Variants in DLGAP2 observed in about 807,000 individuals in gnomAD.
DLGAP2 encodes the protein DLG associated protein 2.
DLGAP2 carries 26 observed loss-of-function variants against 100.3 expected under a neutral mutation model. The ratio of observed to expected loss-of-function variants is 0.26; its 90% CI spans 0.19 to 0.36. The LOEUF (loss-of-function observed/expected upper bound fraction) is 0.36, where lower values mean the gene tolerates loss of function less well. Among genes scored for constraint, DLGAP2 ranks in the 10% least tolerant of loss-of-function variants. The pLI, the probability that DLGAP2 is intolerant of heterozygous loss-of-function variation, is 1.00. For synonymous variants in DLGAP2, 886 were observed against 630.1 expected (o/e 1.41, Z -6.08); for missense variants, 1,858 against 1,453.2 (o/e 1.28, Z -4.53).
chr8:861,329 T>C (rs912744126), intron 1 of DLGAP2, among the ~76,000 whole-genome samples: 3 of 152,186 alleles, frequency 2.0e-5, no homozygotes, highest in Admixed American at 1.3e-4. Context: ...GACTTGAGCA[T>C]TTGTGGAGTT....
At chr8:1,371,468 G>A (rs1802234899) in intron 3 of DLGAP2, among the ~76,000 whole-genome samples, 1 of 152,190 alleles carries the variant, frequency 6.6e-6, no homozygotes, top group Non-Finnish European at 1.5e-5. Context: ...CTGGTGCTCT[G>A]CCCAGCGCGT....
chr8:1,342,630 G>C (rs1801443458), intron 3 of DLGAP2, among the ~76,000 whole-genome samples: 1 of 152,220 alleles, frequency 6.6e-6, no homozygotes, highest in Non-Finnish European at 1.5e-5. Flanking sequence ...ATTTCAGCAA[G>C]TGCGTTATCA....
intron 1 of DLGAP2, among the ~76,000 whole-genome samples, chr8:828,081 G>C (rs1282424708): frequency 6.6e-6 from 1 of 152,090 alleles, no homozygotes; most frequent in Non-Finnish European, 1.5e-5. Context: ...AATATCACAA[G>C]GCAAGTGGAG....
chr8:1,444,397 T>G (rs1329263848), intron 3 of DLGAP2, among the ~76,000 whole-genome samples: 2 of 152,216 alleles, frequency 1.3e-5, no homozygotes, highest in Non-Finnish European at 1.5e-5. Flanking sequence ...CATTGTGGCT[T>G]TCTTCATTTC....
At chr8:1,332,401 ATGTG>A (rs986389529) in intron 3 of DLGAP2, among the ~76,000 whole-genome samples, 13 of 151,894 alleles carry the variant, frequency 8.6e-5, no homozygotes, top group African/African-American at 3.1e-4. Flanking sequence ...GTGTGTCTGC[ATGTG>A]TGAGTATATG....
intron 2 of DLGAP2, among the ~76,000 whole-genome samples, chr8:1,026,838 A>G (rs908263093): frequency 1.3e-5 from 2 of 152,212 alleles, no homozygotes; most frequent in African/African-American, 4.8e-5. Flanking sequence ...GACTTATATG[A>G]TATTCTAACT....
At chr8:1,439,789 C>G (rs1485610384) in intron 3 of DLGAP2, among the ~76,000 whole-genome samples, 1 of 152,092 alleles carries the variant, frequency 6.6e-6, no homozygotes, top group East Asian at 1.9e-4. Flanking sequence ...TCCGATGAGC[C>G]ACGTGTGCAC....
intron 12 of DLGAP2, among the ~76,000 whole-genome samples, chr8:1,682,719 C>A (rs1409328396): frequency 1.3e-5 from 2 of 151,424 alleles, no homozygotes; most frequent in Non-Finnish European, 3.0e-5. Context: ...AGTGATCTGC[C>A]CCCCTTGCCC....
intron 3 of DLGAP2, among the ~76,000 whole-genome samples, chr8:1,264,158 G>C (rs1057087547): frequency 7.1e-6 from 1 of 141,514 alleles, no homozygotes; most frequent in African/African-American, 2.8e-5. Flanking sequence ...AGTTGAGCTT[G>C]GATGAAAACA....
At chr8:1,539,982 C>A (rs562801906) in intron 4 of DLGAP2, among the ~76,000 whole-genome samples, 17 of 152,308 alleles carry the variant, frequency 1.1e-4, no homozygotes, top group Admixed American at 8.5e-4. Flanking sequence ...GACTCAGAAG[C>A]CCAGCAAAGT....
chr8:844,364 G>A (rs943169013), intron 1 of DLGAP2, among the ~76,000 whole-genome samples: 2 of 152,226 alleles, frequency 1.3e-5, no homozygotes, highest in African/African-American at 4.8e-5. Context: ...AGGGAGCACA[G>A]CCTTCTGCTC....
intron 1 of DLGAP2, among the ~76,000 whole-genome samples, chr8:743,078 G>T (rs1484477066): frequency 2.0e-5 from 3 of 152,068 alleles, no homozygotes; most frequent in South Asian, 2.1e-4. Flanking sequence ...TATTATTTCT[G>T]GTCTTGTTTT....
intron 2 of DLGAP2, among the ~76,000 whole-genome samples, chr8:1,075,236 T>G (rs1167345296): frequency 1.3e-5 from 2 of 152,164 alleles, no homozygotes; most frequent in Non-Finnish European, 2.9e-5. Context: ...CCACTCCGGC[T>G]GCCTTTTCGA....
chr8:876,926 T>C (rs138585424), intron 1 of DLGAP2, among the ~76,000 whole-genome samples: 1 of 152,230 alleles, frequency 6.6e-6, no homozygotes, highest in East Asian at 1.9e-4. Flanking sequence ...ACCCCACGAA[T>C]GAGTTTTTAT....
At chr8:1,218,673 G>T (rs954356909) in intron 2 of DLGAP2, among the ~76,000 whole-genome samples, 1 of 152,024 alleles carries the variant, frequency 6.6e-6, no homozygotes. Flanking sequence ...GGAAAATCAT[G>T]TTGGTAGTTT....
At chr8:1,081,726 C>G (rs1331959294) in intron 2 of DLGAP2, among the ~76,000 whole-genome samples, 2 of 152,124 alleles carry the variant, frequency 1.3e-5, no homozygotes, top group African/African-American at 4.8e-5. Context: ...TTTATTGAGT[C>G]TTTCCTATAG....
intron 4 of DLGAP2, among the ~76,000 whole-genome samples, chr8:1,535,083 A>C (rs550702880): frequency 6.6e-6 from 1 of 152,314 alleles, no homozygotes; most frequent in Admixed American, 6.5e-5. Context: ...CTGTAGGGCA[A>C]GGTCCTGTGG....
chr8:1,681,133 C>T (rs1798933587), intron 12 of DLGAP2, among the ~76,000 whole-genome samples: 1 of 152,106 alleles, frequency 6.6e-6, no homozygotes, highest in South Asian at 2.1e-4. Flanking sequence ...AAATTGTATC[C>T]TATTATCATT....
intron 7 of DLGAP2, among the ~76,000 whole-genome samples, chr8:1,632,428 C>A (rs1037775979): frequency 4.5e-4 from 68 of 152,266 alleles, no homozygotes; most frequent in African/African-American, 1.6e-3. Flanking sequence ...GCCATCGTGC[C>A]ATTAGTAGCT....
Sources: allele counts gnomAD v4.1 joint callset (sites outside exome capture counted in the v4.1 genomes callset), GRCh38; gene constraint gnomAD v4.1.1; transcripts MANE v1.5; gene names NCBI Gene and HGNC (gene_info 2026-07-23, HGNC 2026-07-21).